Variants in VTA1 observed in about 807,000 individuals in gnomAD.
VTA1 encodes vacuolar protein sorting-associated protein VTA1 homolog.
In VTA1, 24 loss-of-function variants were observed where a neutral mutation model predicts 36.9. The ratio of observed to expected loss-of-function variants is 0.65; its 90% confidence interval spans 0.47 to 0.91. VTA1 has a LOEUF of 0.91. Among genes scored for constraint, VTA1 ranks in the 40% least tolerant of loss-of-function variants. VTA1 has a pLI of 0.00. For synonymous variants in VTA1, 142 were observed against 130.2 expected, an observed-to-expected ratio of 1.09 and a Z score of -0.62; for missense variants, 393 against 377.2, an observed-to-expected ratio of 1.04 and a Z score of -0.35.
intron 4 of VTA1, among the ~76,000 whole-genome samples, chr6:142,187,234 A>G (rs1272842947): frequency 2.6e-5 from 4 of 152,182 alleles, no homozygotes; most frequent in Non-Finnish European, 1.5e-5. Context: ...TTAGGAGCCA[A>G]AGGAGGTTAG....
At chr6:142,149,824 A>G (rs1778533275) in intron 1 of VTA1, among the ~76,000 whole-genome samples, 1 of 152,060 alleles carries the variant, frequency 6.6e-6, no homozygotes. Flanking sequence ...GGTGTTTTTA[A>G]TCAATTTTGG....
intron 7 of VTA1, among the ~76,000 whole-genome samples, chr6:142,206,550 C>A (rs1775794954): frequency 6.6e-6 from 1 of 152,088 alleles, no homozygotes; most frequent in South Asian, 2.1e-4. Context: ...TGGACAGTTC[C>A]CATCAAAATC....
intron 7 of VTA1, among the ~76,000 whole-genome samples, chr6:142,216,462 C>T (rs893580913): frequency 2.0e-5 from 3 of 151,962 alleles, no homozygotes; most frequent in African/African-American, 7.2e-5. Flanking sequence ...AAATAAATAT[C>T]TCTATATGTT....
rs139240862 is a variant in VTA1, at chr6:142,211,488, G to C, written c.779-7010G>C. On this transcript the variant is annotated intron_variant, in intron 7 of 7. Transcript: ENST00000367630. ...ATGCTGTCAAGAAAATGAAAAGACA[G>C]ATCACGAGGTCAGGAGATCAAGACC... Among the ~76,000 whole-genome samples, 310 of 152,206 alleles carry C rather than the reference G, an allele frequency of 2.0e-3. 2 individuals are homozygous for C. Among genetic ancestry groups the C allele is most frequent in the Admixed American group, 7.5e-3 (114 of 15,288 alleles).
At chr6:142,205,152 G>T (rs940892641) in intron 7 of VTA1, among the ~76,000 whole-genome samples, 101 of 152,270 alleles carry the variant, frequency 6.6e-4, no homozygotes, top group African/African-American at 2.4e-3. Context: ...CTCAACCATG[G>T]AATGAGGAGA....
At chr6:142,158,060 T>A (rs1335169378) in intron 1 of VTA1, among the ~76,000 whole-genome samples, 18 of 149,252 alleles carry the variant, frequency 1.2e-4, no homozygotes, top group African/African-American at 4.2e-4. Context: ...CACACTTTTG[T>A]AGCTCCCCCG....
intron 1 of VTA1, among the ~76,000 whole-genome samples, chr6:142,159,477 G>GTTA (rs1774737964): frequency 7.5e-6 from 1 of 133,738 alleles, no homozygotes; most frequent in African/African-American, 2.8e-5. Context: ...TTTCATTTCA[G>GTTA]GTATTATTAT....
intron 4 of VTA1, among the ~76,000 whole-genome samples, chr6:142,173,816 T>C (rs1229005673): frequency 6.6e-6 from 1 of 152,152 alleles, no homozygotes; most frequent in East Asian, 1.9e-4. Flanking sequence ...TTTTTGAACA[T>C]AGTAACTAGG....
At chr6:142,149,297 C>T (rs986271933) in intron 1 of VTA1, among the ~76,000 whole-genome samples, 13 of 152,140 alleles carry the variant, frequency 8.5e-5, no homozygotes, top group Admixed American at 1.3e-4. Flanking sequence ...GCTCAGGTGA[C>T]ACTTAACAAT....
intron 4 of VTA1, among the ~76,000 whole-genome samples, chr6:142,175,501 C>T (rs1329682052): frequency 1.3e-5 from 2 of 151,996 alleles, no homozygotes; most frequent in Non-Finnish European, 2.9e-5. Context: ...CTCAGCTCTC[C>T]CCCACCTGTA....
intron 1 of VTA1, among the ~76,000 whole-genome samples, chr6:142,157,838 C>T (rs1778691997): frequency 6.8e-6 from 1 of 146,320 alleles, no homozygotes; most frequent in Admixed American, 6.8e-5. Flanking sequence ...TTTTCTGTGG[C>T]TTGTCAGATT....
At chr6:142,198,672 A>G (rs1025913508) in intron 6 of VTA1, 57 bp downstream of exon 6, 2 of 1,483,010 alleles carry the variant, frequency 1.3e-6, no homozygotes, top group Non-Finnish European at 1.8e-6. Context: ...GAAGAACTGC[A>G]TTTCTTATCA....
Position 142,147,411 on chromosome 6 carries a change from C to G in VTA1, c.112+12C>G. ...GGTGGCTTATTACTGTGAGTCTTTC[C>G]GAGTGGCCGCGCCCTTTCTTTCCCA... On this transcript the variant is annotated intron_variant, in intron 1 of 7. Transcript: ENST00000367630. The G allele has an allele frequency of 6.2e-7, 1 of 1,611,070 alleles. No homozygotes were observed. Among genetic ancestry groups the G allele is most frequent in the Non-Finnish European group, 8.5e-7 (1 of 1,178,386 alleles).
chr6:142,168,158 G>A (rs1774957021), intron 2 of VTA1, among the ~76,000 whole-genome samples: 1 of 152,170 alleles, frequency 6.6e-6, no homozygotes, highest in South Asian at 2.1e-4. Flanking sequence ...ATTTTCTGAT[G>A]AAGATGAGAT....
chr6:142,207,398 A>G (rs1279413043), intron 7 of VTA1, among the ~76,000 whole-genome samples: 3 of 152,136 alleles, frequency 2.0e-5, no homozygotes, highest in African/African-American at 7.2e-5. Flanking sequence ...AGCCCCAGAA[A>G]CTTCACTGTG....
intron 4 of VTA1, among the ~76,000 whole-genome samples, chr6:142,171,197 C>T (rs225664): frequency 0.35 from 52,797 of 151,908 alleles, 10,895 homozygotes; most frequent in Middle Eastern, 0.53. Context: ...CAGGTTCAAG[C>T]GATTCTCCTG....
chr6:142,179,343 C>T (rs1425554916), intron 4 of VTA1, among the ~76,000 whole-genome samples: 1 of 151,862 alleles, frequency 6.6e-6, no homozygotes, highest in Non-Finnish European at 1.5e-5. Context: ...AACATACTCC[C>T]TTTTACCCAG....
chr6:142,220,753 A>G lies in VTA1; in HGVS notation c.*2110A>G, dbSNP rs1776095214. The G allele has an allele frequency of 6.6e-6, 1 of 151,982 alleles. No individual in the cohort carries two copies. Among genetic ancestry groups the G allele is most frequent in the Non-Finnish European group, 1.5e-5 (1 of 68,008 alleles). The allele number at this position is 151,982 out of a possible 1,614,324, so 9.4% of individuals were successfully genotyped here. Reference sequence around the variant, plus strand: ...TTTTTCCTATAAAATCTTAAAATAAAATTAGGAGATGTGTTCTGATGTAAC... The same window carrying G: ...TTTTTCCTATAAAATCTTAAAATAAGATTAGGAGATGTGTTCTGATGTAAC... On this transcript the variant is annotated 3_prime_UTR_variant, in exon 8 of 8. Coordinates refer to ENST00000367630, the MANE Select transcript of VTA1 (RefSeq NM_016485.5).
At chr6:142,181,094 A>AATATATATATATATATATATATATATAT (rs1169535055) in intron 4 of VTA1, among the ~76,000 whole-genome samples, 5 of 36,432 alleles carry the variant, frequency 1.4e-4, no homozygotes, top group Non-Finnish European at 2.3e-4. Flanking sequence ...AAAAAAAAAA[A>AATATATATATATATATATATATATATAT]ATATATATAT....
Sources: gnomAD v4.1 joint callset for allele counts (sites outside exome capture counted in the v4.1 genomes callset) on GRCh38, gnomAD v4.1.1 for gene constraint, MANE v1.5 for transcripts, NCBI Gene and HGNC (gene_info 2026-07-23, HGNC 2026-07-21) for gene names.